Variants in MACO1 observed in about 807,000 individuals in gnomAD.
The protein encoded by MACO1 is macoilin.
In MACO1, 14 loss-of-function variants were observed where a neutral mutation model predicts 78.7. That is an observed-to-expected ratio of 0.18 (90% CI 0.12 to 0.28). The LOEUF (loss-of-function observed/expected upper bound fraction) is 0.28, where lower values mean the gene tolerates loss of function less well. MACO1 is among the 10% of genes least tolerant of loss of function. The pLI is 1.00. For synonymous variants in MACO1, 288 were observed against 291.6 expected (o/e 0.99, Z 0.12); for missense variants, 501 against 799.0 (o/e 0.63, Z 4.50).
At chr1:25,467,647 G>A (rs986371284) in intron 6 of MACO1, among the ~76,000 whole-genome samples, 5 of 151,730 alleles carry the variant, frequency 3.3e-5, no homozygotes, top group South Asian at 2.1e-4. Flanking sequence ...ATTGTATCTG[G>A]TATAAAGAGT....
chr1:25,454,336 C>T lies in MACO1; in HGVS notation c.427C>T (p.Leu143Phe). 1 of 1,611,610 alleles carries T rather than the reference C, an allele frequency of 6.2e-7. No individual in the cohort carries two copies. The change falls in exon 4 of 11, where the codon CTC becomes TTC. Residue 143 changes from leucine to phenylalanine, a missense_variant. Leu to Phe is a conservative substitution (Grantham distance 22). Transcript: ENST00000374343. ...YIEAAIRFKDLKNFHVDLCRP... is the reference protein window; with the variant it reads ...YIEAAIRFKDFKNFHVDLCRP... ...TGAAGCAGCCATTAGATTTAAAGAT[C>T]TCAAAAACTTTCATGTAGACCTTTG...
At chr1:25,474,004 A>G (rs545895479) in intron 6 of MACO1, among the ~76,000 whole-genome samples, 16 of 152,358 alleles carry the variant, frequency 1.1e-4, no homozygotes, top group African/African-American at 3.6e-4. Flanking sequence ...CAGAGCAAGT[A>G]TTGCAGACTC....
At chr1:25,459,529 G>C (rs979488740) in intron 6 of MACO1, among the ~76,000 whole-genome samples, 1 of 149,108 alleles carries the variant, frequency 6.7e-6, no homozygotes, top group Non-Finnish European at 1.5e-5. Flanking sequence ...CTATTGCCCA[G>C]GCTGGCACGA....
At chr1:25,449,747 A>T (rs2124578826) in intron 3 of MACO1, among the ~76,000 whole-genome samples, 1 of 152,306 alleles carries the variant, frequency 6.6e-6, no homozygotes, top group Middle Eastern at 3.4e-3. Flanking sequence ...GGCCAGGCGC[A>T]GTGGCTCACG....
rs115063739 is a variant in MACO1, at chr1:25,485,435, T to C, written c.1314-178T>C. Among the ~76,000 whole-genome samples the C allele has an allele frequency of 2.1e-3, 314 of 152,326 alleles. 2 individuals carry two copies. The highest frequency in any genetic ancestry group is 0.014 in the Middle Eastern group (4 of 294). ...GTAAGGCAGCTTGTTTATTGGTGTT[T>C]AGGAATTATTAAAGAATAACAGTGT... On this transcript the variant is annotated intron_variant, in intron 7 of 10. Coordinates refer to ENST00000374343, the MANE Select transcript of MACO1 (RefSeq NM_018202.6). This position sits in a 1 kb window ranked among gnomAD's most constrained non-coding sequence, Gnocchi z 4.3.
chr1:25,448,135 T>C (rs2043031984), intron 2 of MACO1, among the ~76,000 whole-genome samples: 2 of 132,432 alleles, frequency 1.5e-5, no homozygotes, highest in Admixed American at 1.6e-4. Flanking sequence ...AGGAATGGTT[T>C]GTGAGGAGAG....
At chr1:25,440,891 C>A (rs764940690) in intron 1 of MACO1, among the ~76,000 whole-genome samples, 5 of 152,152 alleles carry the variant, frequency 3.3e-5, no homozygotes, top group Non-Finnish European at 5.9e-5. Context: ...TGAGAACCAC[C>A]GCTGTCGTCA....
chr1:25,439,212 C>CTATG (rs368569731), intron 1 of MACO1, among the ~76,000 whole-genome samples: 12 of 151,818 alleles, frequency 7.9e-5, no homozygotes, highest in Non-Finnish European at 1.8e-4. Context: ...ATAAGATACC[C>CTATG]TATTTATTTA....
At chr1:25,474,203 G>A (rs990431873) in intron 6 of MACO1, among the ~76,000 whole-genome samples, 2 of 152,184 alleles carry the variant, frequency 1.3e-5, no homozygotes, top group African/African-American at 4.8e-5. Context: ...ATACTTTGGG[G>A]AGATGCTGAA....
chr1:25,434,679 A>C (rs2042904122), intron 1 of MACO1, among the ~76,000 whole-genome samples: 1 of 152,150 alleles, frequency 6.6e-6, no homozygotes, highest in African/African-American at 2.4e-5. Context: ...TATATGAGGG[A>C]GTCTTTTCTA....
chr1:25,435,981 A>G (rs2042916115), intron 1 of MACO1, among the ~76,000 whole-genome samples: 1 of 152,134 alleles, frequency 6.6e-6, no homozygotes, highest in Non-Finnish European at 1.5e-5. Flanking sequence ...ATCCCTTTAA[A>G]TTGCTGCTGG....
At chr1:25,435,591 T>C (rs867979355) in intron 1 of MACO1, among the ~76,000 whole-genome samples, 2 of 152,228 alleles carry the variant, frequency 1.3e-5, no homozygotes, top group South Asian at 4.1e-4. Context: ...TTAAAGTCAC[T>C]GCAGGCTGTC....
chr1:25,497,971 GGGCCAAATCTGGCC>G (rs2043552472), intron 10 of MACO1, among the ~76,000 whole-genome samples: 1 of 152,192 alleles, frequency 6.6e-6, no homozygotes, highest in Non-Finnish European at 1.5e-5. Flanking sequence ...TGTGGCCCAT[GGGCCAAATCTGGCC>G]TGCCACCTAT....
intron 3 of MACO1, 76 bp from the exon 4 acceptor site, chr1:25,454,183 A>C (rs953739425): frequency 2.1e-5 from 29 of 1,375,084 alleles, no homozygotes; most frequent in African/African-American, 3.0e-5. Context: ...CTGTCGTCAA[A>C]TTAGTCTCCC....
chr1:25,491,434 GAGA>G lies in MACO1; in HGVS notation c.1645_1647del (p.Lys549del), dbSNP rs1323627041. The G allele has an allele frequency of 2.5e-6, 4 of 1,614,216 alleles. No homozygotes were observed. The highest frequency in any genetic ancestry group is 3.4e-6 in the Non-Finnish European group (4 of 1,180,040). ...GGAGCTTCGGAAATATAAGGAAAATGAGAAGGACACTGAGGTGTTAATGTCAGC... is the reference window on the plus strand; with the variant it reads ...GGAGCTTCGGAAATATAAGGAAAATGAGGACACTGAGGTGTTAATGTCAGC... On this transcript the variant is annotated inframe_deletion, in exon 10 of 11. Coordinates refer to ENST00000374343, the MANE Select transcript of MACO1 (RefSeq NM_018202.6).
intron 6 of MACO1, among the ~76,000 whole-genome samples, chr1:25,483,454 C>G (rs942413805): frequency 6.6e-6 from 1 of 152,154 alleles, no homozygotes; most frequent in African/African-American, 2.4e-5. Context: ...ATAGATGGAA[C>G]AAGAGTAAGG....
At chr1:25,451,915 G>T (rs1021262963) in intron 3 of MACO1, among the ~76,000 whole-genome samples, 2 of 146,790 alleles carry the variant, frequency 1.4e-5, no homozygotes, top group Non-Finnish European at 3.0e-5. Context: ...CTGGGCGACA[G>T]AGCGAGACTC....
At chr1:25,463,126 G>A (rs2043186248) in intron 6 of MACO1, among the ~76,000 whole-genome samples, 1 of 152,136 alleles carries the variant, frequency 6.6e-6, no homozygotes, top group Non-Finnish European at 1.5e-5. Flanking sequence ...CCCCTTATTA[G>A]ATTGTGAGTT....
chr1:25,436,314 A>AT (rs5773125), intron 1 of MACO1, among the ~76,000 whole-genome samples: 88,802 of 151,876 alleles, frequency 0.58, 27,247 homozygotes, highest in African/African-American at 0.76. Flanking sequence ...ATGTATATAA[A>AT]GTGCACTTTG....
Sources: allele counts gnomAD v4.1 joint callset (sites outside exome capture counted in the v4.1 genomes callset), GRCh38; gene constraint gnomAD v4.1.1; non-coding constraint Gnocchi (gnomAD v3.1); transcripts MANE v1.5; gene names NCBI Gene and HGNC (gene_info 2026-07-23, HGNC 2026-07-21).